RFX4: variants seen among roughly 807,000 people sequenced by gnomAD.
The protein encoded by RFX4 is regulatory factor X4.
Under a neutral mutation model 95.0 loss-of-function variants are expected in RFX4, and 10 were observed. The observed-to-expected ratio is 0.11, with a 90% CI of 0.06 to 0.18. The LOEUF (loss-of-function observed/expected upper bound fraction) is 0.18, where lower values mean the gene tolerates loss of function less well. RFX4 is among the 10% of genes least tolerant of loss of function. The pLI is 1.00. For missense variants in RFX4, 640 were observed against 922.0 expected (o/e 0.69, Z 3.96); for synonymous variants, 321 against 340.7 (o/e 0.94, Z 0.64).
chr12:106,627,344 C>A (rs1204384077), intron 2 of RFX4, among the ~76,000 whole-genome samples: 1 of 152,094 alleles, frequency 6.6e-6, no homozygotes, highest in East Asian at 1.9e-4. Flanking sequence ...TCACAACCAG[C>A]CTGGCCATGG....
chr12:106,657,673 A>G (rs2040986628), intron 4 of RFX4, among the ~76,000 whole-genome samples: 1 of 152,134 alleles, frequency 6.6e-6, no homozygotes, highest in Non-Finnish European at 1.5e-5. Flanking sequence ...TTATCTTTAG[A>G]CAGGAATAAT....
intron 2 of RFX4, among the ~76,000 whole-genome samples, chr12:106,624,925 G>A (rs1592864528): frequency 1.3e-5 from 2 of 152,102 alleles, no homozygotes; most frequent in East Asian, 3.8e-4. Context: ...GCCTTCTCGG[G>A]GTGTGATTTC....
At chr12:106,627,234 A>G (rs1194540161) in intron 2 of RFX4, among the ~76,000 whole-genome samples, 1 of 152,162 alleles carries the variant, frequency 6.6e-6, no homozygotes, top group Non-Finnish European at 1.5e-5. Flanking sequence ...ACTCATCACT[A>G]TTGTATTAAA....
intron 16 of RFX4, among the ~76,000 whole-genome samples, chr12:106,749,083 C>T (rs1230492275): frequency 2.9e-5 from 3 of 104,796 alleles, no homozygotes; most frequent in Non-Finnish European, 3.9e-5. Flanking sequence ...GACTTCATCT[C>T]AAAAAAAAAA....
At chr12:106,757,055 A>C (rs899908774) in intron 17 of RFX4, among the ~76,000 whole-genome samples, 5 of 152,152 alleles carry the variant, frequency 3.3e-5, no homozygotes, top group African/African-American at 1.2e-4. Context: ...CTTGACCTTA[A>C]TTATTTCATC....
rs200747378 is a variant in RFX4 at position 106,665,807 on chromosome 12, TA to T, written c.315+11465del. Among the ~76,000 whole-genome samples, 16 of 142,746 alleles carry T rather than the reference TA, an allele frequency of 1.1e-4. 1 individual carries two copies. The highest frequency in any genetic ancestry group is 1.9e-4 in the East Asian group (1 of 5,156). 93.6% of individuals were successfully genotyped at this position (142,746 alleles called of 152,430 possible). A position where few individuals can be genotyped will look rare whatever the true frequency, so the allele number is the denominator to read the frequency against. On this transcript the variant is annotated intron_variant, in intron 4 of 17. Transcript: ENST00000392842. ...AAAATCATAACTTTTGTGCCCTCTG[TA>T]AAAAAAAACATGCACACATACTTAT...
intron 1 of RFX4, chr12:106,601,088 G>A (rs1274009229): frequency 1.5e-6 from 2 of 1,372,938 alleles, no homozygotes; most frequent in African/African-American, 1.5e-5. Context: ...CAGAGGCAGG[G>A]CAGGGCCCCT....
At position 106,645,133 on chromosome 12, in the gene RFX4, C is replaced by T. The variant is rs894426909; in HGVS notation, c.191+5741C>T. Among the ~76,000 whole-genome samples, 3 of 151,958 alleles carry T rather than the reference C, an allele frequency of 2.0e-5. 1 individual carries two copies. The highest frequency in any genetic ancestry group is 4.4e-5 in the Non-Finnish European group (3 of 68,020). Reference sequence around the variant, plus strand: ...TTGGGGACACGTGATCTGGAGGCAACTCCCAGCAGAAAACAGGCAAATATT... The same window carrying T: ...TTGGGGACACGTGATCTGGAGGCAATTCCCAGCAGAAAACAGGCAAATATT... On this transcript the variant is annotated intron_variant, in intron 3 of 17. Transcript: ENST00000392842.
chr12:106,738,111 T>C (rs1489334743), intron 15 of RFX4, among the ~76,000 whole-genome samples: 1 of 152,216 alleles, frequency 6.6e-6, no homozygotes, highest in Admixed American at 6.5e-5. Flanking sequence ...GCAACCATCC[T>C]GAGTCTCCTT....
intron 17 of RFX4, among the ~76,000 whole-genome samples, chr12:106,758,926 C>A (rs1416754961): frequency 6.6e-6 from 1 of 152,204 alleles, no homozygotes; most frequent in African/African-American, 2.4e-5. Flanking sequence ...TCACAGGATC[C>A]CTAAAATTCT....
intron 7 of RFX4, among the ~76,000 whole-genome samples, chr12:106,692,632 G>A (rs560107514): frequency 1.9e-4 from 29 of 152,322 alleles, no homozygotes; most frequent in Non-Finnish European, 3.1e-4. Flanking sequence ...AAAGGGCCGA[G>A]AGTTCAGAAG....
intron 8 of RFX4, among the ~76,000 whole-genome samples, chr12:106,706,104 C>T (rs1182015697): frequency 1.3e-5 from 2 of 152,088 alleles, no homozygotes; most frequent in African/African-American, 4.8e-5. Context: ...AGCTAAATAA[C>T]ATGGAGCTAA....
intron 15 of RFX4, among the ~76,000 whole-genome samples, chr12:106,745,926 A>G (rs953340975): frequency 1.3e-5 from 2 of 152,224 alleles, no homozygotes; most frequent in African/African-American, 4.8e-5. Flanking sequence ...TTATCAAATT[A>G]TCATTAAAAA....
At chr12:106,641,427 G>A (rs2040619698) in intron 3 of RFX4, among the ~76,000 whole-genome samples, 1 of 152,182 alleles carries the variant, frequency 6.6e-6, no homozygotes, top group South Asian at 2.1e-4. Flanking sequence ...ACAGCACCTG[G>A]CATGGGGTGG....
At chr12:106,737,457 G>A (rs757151719) in intron 15 of RFX4, among the ~76,000 whole-genome samples, 14 of 151,918 alleles carry the variant, frequency 9.2e-5, no homozygotes, top group African/African-American at 9.7e-5. Context: ...TTGGAAGAAG[G>A]GTCAGAGTAT....
At chr12:106,617,289 A>C (rs530271973) in intron 2 of RFX4, among the ~76,000 whole-genome samples, 68 of 151,712 alleles carry the variant, frequency 4.5e-4, no homozygotes, top group African/African-American at 1.6e-3. Context: ...ACTTTCTTTC[A>C]GTTTAATTTG....
At position 106,630,031 on chromosome 12, in the gene RFX4, A is replaced by G. The variant is rs145777612; in HGVS notation, c.131-9301A>G. On this transcript the variant is annotated intron_variant, in intron 2 of 17. Transcript: ENST00000392842. ...GTAATTTCTATGTTTATTGATTAAA[A>G]CTGACCATCTTTCCACCTTTTAAGA... Among the ~76,000 whole-genome samples, 926 of 152,260 alleles carry G rather than the reference A, an allele frequency of 6.1e-3. 7 individuals are homozygous for G. Among genetic ancestry groups the G allele is most frequent in the African/African-American group, 0.021 (864 of 41,538 alleles).
intron 15 of RFX4, 93 bp downstream of exon 15, chr12:106,733,178 C>A (rs1388563318): frequency 2.2e-6 from 3 of 1,382,518 alleles, no homozygotes; most frequent in Admixed American, 1.7e-5. Context: ...TTCATTTCCA[C>A]ACACACAAAA....
At chr12:106,598,458 C>T (rs982184798) in intron 1 of RFX4, among the ~76,000 whole-genome samples, 4 of 152,076 alleles carry the variant, frequency 2.6e-5, no homozygotes, top group African/African-American at 4.8e-5. Context: ...ATGAGACTTG[C>T]GACCAACACA....
Sources: gnomAD v4.1 joint callset for allele counts (sites outside exome capture counted in the v4.1 genomes callset) on GRCh38, gnomAD v4.1.1 for gene constraint, MANE v1.5 for transcripts, NCBI Gene and HGNC (gene_info 2026-07-23, HGNC 2026-07-21) for gene names.